PCDH9: variants seen among roughly 807,000 people sequenced by gnomAD.
PCDH9 encodes protocadherin-9.
A neutral mutation model predicts 70.6 loss-of-function variants in PCDH9; 24 were observed. The observed-to-expected ratio is 0.34, with a 90% confidence interval of 0.25 to 0.48. The LOEUF (loss-of-function observed/expected upper bound fraction) is 0.48, where lower values mean the gene tolerates loss of function less well. Among genes scored for constraint, PCDH9 ranks in the 20% least tolerant of loss-of-function variants. PCDH9 has a pLI of 0.99. For synonymous variants in PCDH9, 562 were observed against 558.5 expected, an observed-to-expected ratio of 1.01 and a Z score of -0.09; for missense variants, 1,281 against 1,503.6, an observed-to-expected ratio of 0.85 and a Z score of 2.45.
chr13:66,481,612 C>A (rs1958838284), intron 4 of PCDH9, among the ~76,000 whole-genome samples: 2 of 152,082 alleles, frequency 1.3e-5, no homozygotes, highest in African/African-American at 4.8e-5. Flanking sequence ...TGCTTTATTG[C>A]AGTAGTCTGG....
intron 3 of PCDH9, among the ~76,000 whole-genome samples, chr13:66,780,485 G>C (rs2079980732): frequency 6.6e-6 from 1 of 152,158 alleles, no homozygotes; most frequent in Non-Finnish European, 1.5e-5. Flanking sequence ...ACCTGTCTTA[G>C]AAACAGGTCC....
intron 3 of PCDH9, among the ~76,000 whole-genome samples, chr13:66,744,386 G>A (rs1161924494): frequency 6.6e-6 from 1 of 152,112 alleles, no homozygotes; most frequent in Non-Finnish European, 1.5e-5. Flanking sequence ...ATGACTTGAA[G>A]TAAAGGTTAT....
intron 3 of PCDH9, among the ~76,000 whole-genome samples, chr13:66,848,450 A>G (rs2081250513): frequency 6.6e-6 from 1 of 152,204 alleles, no homozygotes; most frequent in Admixed American, 6.5e-5. Flanking sequence ...TACGCTTAAA[A>G]AGCATTAACA....
chr13:66,824,340 T>G, intron 3 of PCDH9, among the ~76,000 whole-genome samples: 1 of 76,682 alleles, frequency 1.3e-5, no homozygotes, highest in East Asian at 3.5e-4. Flanking sequence ...TATATATATA[T>G]ATATATATAG....
Position 67,228,426 on chromosome 13 carries a change from A to C in PCDH9, c.15T>G (p.Asp5Glu). Reference protein sequence around the residue: MDLRDFYLLAALIAC... With the variant: MDLREFYLLAALIAC... Reference sequence around the variant, plus strand: ...CAATCAGAGCAGCCAACAGGTAAAAATCCCTCAGGTCCATGATAATGTATT... The same window carrying C: ...CAATCAGAGCAGCCAACAGGTAAAACTCCCTCAGGTCCATGATAATGTATT... Residue 5 changes from aspartate to glutamate, a missense_variant, in exon 2 of 5, where the codon GAT (aspartate) becomes GAG (glutamate). By Grantham distance (45) the Asp-to-Glu change is conservative (BLOSUM62 2). Transcript: ENST00000377865. 1.3e-6 allele frequency: 2 copies of C among 1,584,118 alleles called. No homozygotes were observed. The highest frequency in any genetic ancestry group is 1.7e-6 in the Non-Finnish European group (2 of 1,166,854).
chr13:66,543,714 C>T (rs1439003255), intron 4 of PCDH9, among the ~76,000 whole-genome samples: 3 of 152,008 alleles, frequency 2.0e-5, no homozygotes, highest in Admixed American at 2.0e-4. Context: ...TAAAAAGACA[C>T]CTCTTAAAAA....
At chr13:66,958,484 G>T (rs930880936) in intron 2 of PCDH9, among the ~76,000 whole-genome samples, 2 of 151,976 alleles carry the variant, frequency 1.3e-5, no homozygotes, top group Non-Finnish European at 2.9e-5. Flanking sequence ...AGAAAGATGG[G>T]GAATCAGTAA....
intron 3 of PCDH9, among the ~76,000 whole-genome samples, chr13:66,807,513 A>G (rs960820274): frequency 7.2e-5 from 11 of 152,214 alleles, no homozygotes; most frequent in Admixed American, 7.2e-4. Flanking sequence ...CAAAAGATGT[A>G]TAAGTTCCTT....
chr13:66,641,001 G>A (rs931936389), intron 3 of PCDH9, among the ~76,000 whole-genome samples: 2 of 151,854 alleles, frequency 1.3e-5, no homozygotes, highest in African/African-American at 4.8e-5. Flanking sequence ...TCAGCCTCCC[G>A]AGTAGTGGGA....
chr13:66,582,432 A>G (rs745755208), intron 4 of PCDH9, among the ~76,000 whole-genome samples: 23 of 152,130 alleles, frequency 1.5e-4, no homozygotes, highest in Non-Finnish European at 2.2e-4. Context: ...CAGGAGTTCA[A>G]CACCAGCCTG....
chr13:66,877,279 TC>T (rs1443649232), intron 3 of PCDH9, among the ~76,000 whole-genome samples: 2 of 151,404 alleles, frequency 1.3e-5, no homozygotes, highest in Non-Finnish European at 2.9e-5. Flanking sequence ...ATATGTTATA[TC>T]AGAGAAATTA....
At chr13:66,925,724 A>T (rs12428888) in intron 2 of PCDH9, among the ~76,000 whole-genome samples, 21,411 of 151,946 alleles carry the variant, frequency 0.14, 1,670 homozygotes, top group African/African-American at 0.18. Context: ...ACAAACAAAC[A>T]TATCATAATA....
At chr13:66,325,431 A>G (rs1355349594) in intron 4 of PCDH9, among the ~76,000 whole-genome samples, 1 of 152,008 alleles carries the variant, frequency 6.6e-6, no homozygotes, top group Non-Finnish European at 1.5e-5. Flanking sequence ...TGGGGGGAGA[A>G]AAGTTTCTAG....
intron 4 of PCDH9, among the ~76,000 whole-genome samples, chr13:66,504,189 T>A (rs1476706250): frequency 6.6e-6 from 1 of 152,228 alleles, no homozygotes; most frequent in Non-Finnish European, 1.5e-5. Flanking sequence ...AATCCTTTTG[T>A]CTAAAAACGT....
At chr13:66,707,535 T>C (rs1030221818) in intron 3 of PCDH9, among the ~76,000 whole-genome samples, 4 of 152,196 alleles carry the variant, frequency 2.6e-5, no homozygotes, top group East Asian at 3.9e-4. Flanking sequence ...CCGATCAACA[T>C]AGCAATAAAT....
intron 4 of PCDH9, among the ~76,000 whole-genome samples, chr13:66,457,909 T>C (rs891862787): frequency 6.6e-6 from 1 of 152,026 alleles, no homozygotes; most frequent in African/African-American, 2.4e-5. Context: ...CTCCAATCCC[T>C]TAAATCGTTT....
chr13:66,490,887 T>C (rs1012219571), intron 4 of PCDH9, among the ~76,000 whole-genome samples: 1 of 152,212 alleles, frequency 6.6e-6, no homozygotes, highest in African/African-American at 2.4e-5. Context: ...GAACTTTTTG[T>C]GACATTTCTT....
intron 2 of PCDH9, among the ~76,000 whole-genome samples, chr13:67,162,409 T>C (rs892431238): frequency 1.3e-5 from 2 of 152,238 alleles, no homozygotes; most frequent in East Asian, 3.8e-4. Flanking sequence ...ATATTTTCTC[T>C]TGGGAATTTT....
chr13:67,227,613 G>T lies in PCDH9; in HGVS notation c.828C>A (p.Ala276=). The T allele has an allele frequency of 6.2e-7, 1 of 1,613,910 alleles. No individual in the cohort carries two copies. The highest frequency in any genetic ancestry group is 8.5e-7 in the Non-Finnish European group (1 of 1,179,844). The change falls in exon 2 of 5, where the codon GCC becomes GCA. Residue 276 remains alanine (A), a synonymous_variant. Coordinates refer to ENST00000377865, the MANE Select transcript of PCDH9 (RefSeq NM_203487.3). The surrounding 1 kb of genome is among the most constrained non-coding windows in gnomAD (Gnocchi z 4.6). ...CATTACTGCCTATATCTGCATCAGT[G>T]GCATGGAGCTGAATTACAGAGGTAC... ...PVGTSVIQLH[A]TDADIGSNAE...
Sources: gnomAD v4.1 joint callset for allele counts (sites outside exome capture counted in the v4.1 genomes callset) on GRCh38, gnomAD v4.1.1 for gene constraint, Gnocchi (gnomAD v3.1) non-coding constraint, MANE v1.5 for transcripts, NCBI Gene and HGNC (gene_info 2026-07-23, HGNC 2026-07-21) for gene names.